Variants in TAC3 observed in about 807,000 individuals in gnomAD.
TAC3 encodes tachykinin precursor 3, also known as tachykinin-3.
Under a neutral mutation model 16.5 loss-of-function variants are expected in TAC3, and 9 were observed. That is an observed-to-expected ratio of 0.55 (90% CI 0.33 to 0.95). The LOEUF (loss-of-function observed/expected upper bound fraction) is 0.95. Among genes scored for constraint, TAC3 ranks in the 40% least tolerant of loss-of-function variants. The pLI, the probability that TAC3 is intolerant of heterozygous loss-of-function variation, is 0.03. For missense variants in TAC3, 129 were observed against 149.1 expected, an observed-to-expected ratio of 0.87 and a Z score of 0.70; for synonymous variants, 52 against 56.7, an observed-to-expected ratio of 0.92 and a Z score of 0.37.
In TAC3 at chr12:57,015,676, A is replaced by G. The variant is rs199723784; in HGVS notation, c.114+8T>C. 1 of 1,612,002 alleles carries G rather than the reference A, an allele frequency of 6.2e-7. No homozygotes were observed. The highest frequency in any genetic ancestry group is 1.3e-5 in the African/African-American group (1 of 74,936). On this transcript the variant is annotated splice_region_variant and intron_variant, in intron 2 of 6. Coordinates refer to ENST00000458521, the MANE Select transcript of TAC3 (RefSeq NM_013251.4). ...GATGTCCCCAGTACTCTGCCAGGGG[A>G]GACTTACCTTGCTGCGGCCCCCGCC...
At chr12:57,013,741 A>C in intron 2 of TAC3, 70 bp from the exon 3 acceptor site, 1 of 1,276,914 alleles carries the variant, frequency 7.8e-7, no homozygotes, top group Non-Finnish European at 1.1e-6. Context: ...TTCCCACAAG[A>C]AACAGCCTCT....
rs1158684462 is a variant in TAC3, at chr12:57,013,605, G to A, written c.181C>T (p.Leu61Phe). Residue 61 changes from leucine to phenylalanine, a missense_variant, in exon 3 of 7, where the codon CTC becomes TTC. Physicochemically the swap from Leu to Phe is conservative, Grantham distance 22. Transcript: ENST00000458521. ...FKSHSSLEGL[L>F]KALSQASTDP... ...GTGCTAGCCTGGCTCAGGGCTTTGAGCAATCCCTCCAGAGATGAGTGGCTT... is the reference window on the plus strand; with the variant it reads ...GTGCTAGCCTGGCTCAGGGCTTTGAACAATCCCTCCAGAGATGAGTGGCTT... 6.2e-7 allele frequency: 1 copy of A among 1,613,576 alleles called. No individual in the cohort carries two copies. Among genetic ancestry groups the A allele is most frequent in the Non-Finnish European group, 8.5e-7 (1 of 1,179,958 alleles).
chr12:57,015,743 A>T lies in TAC3; in HGVS notation c.55T>A (p.Phe19Ile). 6.2e-7 allele frequency: 1 copy of T among 1,614,176 alleles called. No homozygotes were observed. Among genetic ancestry groups the T allele is most frequent in the Non-Finnish European group, 8.5e-7 (1 of 1,180,018 alleles). ...AILAFSLAQSFGAVCKEPQEE... is the reference protein window; with the variant it reads ...AILAFSLAQSIGAVCKEPQEE... ...TGTGGCTCCTTACAGACAGCCCCAA[A>T]GCTCTGAGCTAGGCTGAAGGCCAGG... The change falls in exon 2 of 7, where the codon TTT (phenylalanine) becomes ATT (isoleucine). Residue 19 changes from phenylalanine to isoleucine, a missense_variant. Transcript: ENST00000458521.
At position 57,012,382 on chromosome 12, in the gene TAC3, T is replaced by C. The variant is rs1956311464; in HGVS notation, c.363A>G (p.Glu121=). The part of the protein sequence containing the change: ...FGILKYPPRA[E] Reference sequence around the variant, plus strand: ...TCTCTAATGAACAATCCTTACCCTATTCTGCTCTCGGGGGATACTTGAGGA... The same window carrying C: ...TCTCTAATGAACAATCCTTACCCTACTCTGCTCTCGGGGGATACTTGAGGA... The change falls in exon 6 of 7, where the codon GAA becomes GAG. Residue 121 remains glutamate (E), a synonymous_variant. Transcript: ENST00000458521. 6.3e-7 allele frequency: 1 copy of C among 1,599,912 alleles called. No homozygotes were observed. The highest frequency in any genetic ancestry group is 8.5e-7 in the Non-Finnish European group (1 of 1,171,168).
intron 6 of TAC3, 49 bp downstream of exon 6, chr12:57,012,329 A>ACACCCCC: frequency 6.8e-7 from 1 of 1,464,046 alleles, no homozygotes; most frequent in Non-Finnish European, 9.5e-7. Flanking sequence ...GGCAACCCCC[A>ACACCCCC]CAGCCCCCTC....
chr12:57,012,361 T>G lies in TAC3; in HGVS notation c.*1+17A>C. ...CCTCCCCAGTCCCCTCTCCCCTCTC[T>G]AATGAACAATCCTTACCCTATTCTG... On this transcript the variant is annotated intron_variant, in intron 6 of 6. Coordinates refer to ENST00000458521, the MANE Select transcript of TAC3 (RefSeq NM_013251.4). 6.4e-7 allele frequency: 1 copy of G among 1,556,950 alleles called. No homozygotes were observed.
Position 57,010,159 on chromosome 12 carries a change from GAGA to G in TAC3, c.*128_*130del, listed in dbSNP as rs1565632282. 3 of 454,098 alleles carry G rather than the reference GAGA, an allele frequency of 6.6e-6. No individual in the cohort carries two copies. Among genetic ancestry groups the G allele is most frequent in the South Asian group, 1.6e-5 (1 of 64,478 alleles). The allele number at this position is 454,098 out of a possible 1,614,324, so 28.1% of individuals were successfully genotyped here. ...ACACCAGGGTCAGGTAGAAAAGATG[GAGA>G]AGGAGTCAAAGCACAAGAATGTTAC... On this transcript the variant is annotated 3_prime_UTR_variant, in exon 7 of 7. Coordinates refer to ENST00000458521, the MANE Select transcript of TAC3 (RefSeq NM_013251.4).
In TAC3 at chr12:57,010,044, T is replaced by C. The variant is rs187354457; in HGVS notation, c.*246A>G. On this transcript the variant is annotated 3_prime_UTR_variant, in exon 7 of 7. Transcript: ENST00000458521. ...TATTGTTGAGGAATAGAGAGAGACA[T>C]TATATTTTTAATGTAGGACACTACA... is the stretch of plus-strand genomic sequence containing the variant. 2.2e-6 allele frequency: 1 copy of C among 444,860 alleles called. No homozygotes were observed. The highest frequency in any genetic ancestry group is 4.5e-6 in the Non-Finnish European group (1 of 220,046). 27.6% of individuals were successfully genotyped at this position (444,860 alleles called of 1,614,324 possible).
rs1956276665 is a variant in TAC3, at chr12:57,010,060, G to C, written c.*230C>G. 1 of 451,204 alleles carries C rather than the reference G, an allele frequency of 2.2e-6. No homozygotes were observed. Among genetic ancestry groups the C allele is most frequent in the African/African-American group, 2.0e-5 (1 of 49,894 alleles). The allele number at this position is 451,204 out of a possible 1,614,324, so 28.0% of individuals were successfully genotyped here. ...AGAGAGACATTATATTTTTAATGTA[G>C]GACACTACAGGAACTCTAGGGTATT... On this transcript the variant is annotated 3_prime_UTR_variant, in exon 7 of 7. Coordinates refer to ENST00000458521, the MANE Select transcript of TAC3 (RefSeq NM_013251.4).
chr12:57,010,071 G>C lies in TAC3; in HGVS notation c.*219C>G. ...ATATTTTTAATGTAGGACACTACAG[G>C]AACTCTAGGGTATTCTACAGTCAAT... On this transcript the variant is annotated 3_prime_UTR_variant, in exon 7 of 7. Transcript: ENST00000458521. The C allele has an allele frequency of 2.2e-6, 1 of 453,654 alleles. No homozygotes were observed. Among genetic ancestry groups the C allele is most frequent in the South Asian group, 1.6e-5 (1 of 64,422 alleles). 28.1% of individuals were successfully genotyped at this position (453,654 alleles called of 1,614,324 possible).
chr12:57,015,013 C>G (rs1956352578), intron 2 of TAC3, among the ~76,000 whole-genome samples: 1 of 152,122 alleles, frequency 6.6e-6, no homozygotes, highest in Admixed American at 6.6e-5. Flanking sequence ...CCCCCTGTAC[C>G]CCTACCCTGA....
chr12:57,013,748 C>T (rs1956336406), intron 2 of TAC3, 77 bp from the exon 3 acceptor site: 1 of 1,216,852 alleles, frequency 8.2e-7, no homozygotes, highest in South Asian at 1.3e-5. Context: ...AAGAAACAGC[C>T]TCTTCCTGAG....
chr12:57,015,596 C>T (rs376239345), intron 2 of TAC3, 88 bp downstream of exon 2: 1 of 1,202,762 alleles, frequency 8.3e-7, no homozygotes, highest in Non-Finnish European at 1.2e-6. Flanking sequence ...GACAACCCCC[C>T]CACCCCAGTT....
At chr12:57,014,979 T>C (rs1956352093) in intron 2 of TAC3, among the ~76,000 whole-genome samples, 1 of 152,178 alleles carries the variant, frequency 6.6e-6, no homozygotes, top group African/African-American at 2.4e-5. Flanking sequence ...TTTCAAAACC[T>C]TGAAAAGACT....
At chr12:57,011,838 A>T (rs1956302060) in intron 6 of TAC3, among the ~76,000 whole-genome samples, 1 of 152,188 alleles carries the variant, frequency 6.6e-6, no homozygotes, top group African/African-American at 2.4e-5. Flanking sequence ...TATGCTAAAG[A>T]GAGATTCAGA....
At chr12:57,015,897 G>A (rs927244556) in intron 1 of TAC3, 95 bp from the exon 2 acceptor site, 5 of 1,010,228 alleles carry the variant, frequency 4.9e-6, no homozygotes, top group Non-Finnish European at 7.6e-6. Context: ...CAGCAGCTTG[G>A]CTTGACCCTG....
At position 57,012,866 on chromosome 12, in the gene TAC3, T is replaced by G. The variant is rs143862988; in HGVS notation, c.248A>C (p.His83Pro). 21 of 1,614,042 alleles carry G rather than the reference T, an allele frequency of 1.3e-5. No homozygotes were observed. The highest frequency in any genetic ancestry group is 5.9e-6 in the Non-Finnish European group (7 of 1,180,016). The change falls in exon 5 of 7, where the codon CAT becomes CCT. Residue 83 changes from histidine to proline, a missense_variant. Physicochemically the swap from His to Pro is moderately conservative, Grantham distance 77. Coordinates refer to ENST00000458521, the MANE Select transcript of TAC3 (RefSeq NM_013251.4). ...GCCCATAAGTCCCACAAAGAAGTCA[T>G]GCATGTCACCTGCAGAAAAGGGCCA... ...ESTSPEKRDM[H>P]DFFVGLMGKR... is the part of the protein sequence containing the mutation.
rs1170482819 is a variant in TAC3, at chr12:57,016,488, C to G, written c.-107G>C. 1 of 454,398 alleles carries G rather than the reference C, an allele frequency of 2.2e-6. No individual in the cohort carries two copies. Among genetic ancestry groups the G allele is most frequent in the Non-Finnish European group, 4.4e-6 (1 of 226,788 alleles). 28.1% of individuals were successfully genotyped at this position (454,398 alleles called of 1,614,324 possible). On this transcript the variant is annotated 5_prime_UTR_variant, in exon 1 of 7. Coordinates refer to ENST00000458521, the MANE Select transcript of TAC3 (RefSeq NM_013251.4). Reference sequence around the variant, plus strand: ...CTCACACACTGGTGCTGCCGGTGCTCCTGCAAAGAGAGAAACCGAGTGGAG... The same window carrying G: ...CTCACACACTGGTGCTGCCGGTGCTGCTGCAAAGAGAGAAACCGAGTGGAG...
At chr12:57,010,414 G>C (rs11609825) in intron 6 of TAC3, 126 bp from the exon 7 acceptor site, 11,934 of 346,988 alleles carry the variant, frequency 0.034, 265 homozygotes, top group Middle Eastern at 0.076. Context: ...TGTGAGAGAG[G>C]AAAGAACAAG....
Sources: gnomAD v4.1 joint callset for allele counts (sites outside exome capture counted in the v4.1 genomes callset) on GRCh38, gnomAD v4.1.1 for gene constraint, MANE v1.5 for transcripts, NCBI Gene and HGNC (gene_info 2026-07-23, HGNC 2026-07-21) for gene names.